Variants in DLG2 observed in about 807,000 individuals in gnomAD.
DLG2 encodes the protein discs large MAGUK scaffold protein 2, also known as disks large homolog 2.
Under a neutral mutation model 132.5 loss-of-function variants are expected in DLG2, and 45 were observed. The observed-to-expected ratio is 0.34, with a 90% confidence interval of 0.27 to 0.44. The LOEUF (loss-of-function observed/expected upper bound fraction) is 0.44. Among genes scored for constraint, DLG2 ranks in the 20% least tolerant of loss-of-function variants. DLG2 has a pLI of 1.00. For missense variants in DLG2, 1,045 were observed against 1,196.9 expected, an observed-to-expected ratio of 0.87 and a Z score of 1.87; for synonymous variants, 424 against 419.6, an observed-to-expected ratio of 1.01 and a Z score of -0.13.
intron 9 of DLG2, among the ~76,000 whole-genome samples, chr11:84,160,356 G>A (rs888385798): frequency 6.6e-5 from 10 of 152,164 alleles, no homozygotes; most frequent in African/African-American, 2.4e-4. Context: ...TTTGAGGAAG[G>A]AGGAAGCATC....
intron 6 of DLG2, among the ~76,000 whole-genome samples, chr11:84,828,905 T>C (rs1332966287): frequency 6.6e-6 from 1 of 151,696 alleles, no homozygotes; most frequent in East Asian, 2.0e-4. Context: ...CCCTATGTAC[T>C]AATGCTGCCA....
intron 19 of DLG2, among the ~76,000 whole-genome samples, chr11:83,625,596 A>G (rs1459037175): frequency 2.0e-5 from 3 of 152,212 alleles, no homozygotes; most frequent in East Asian, 1.9e-4. Context: ...TGCTCTTGAC[A>G]TAACTTCAAG....
intron 4 of DLG2, among the ~76,000 whole-genome samples, chr11:85,253,811 A>T (rs2076524935): frequency 6.6e-6 from 1 of 152,096 alleles, no homozygotes. Context: ...AGAAGGGAAA[A>T]AAATGCCAAA....
chr11:85,440,440 C>G (rs2091719535), intron 3 of DLG2, among the ~76,000 whole-genome samples: 1 of 152,158 alleles, frequency 6.6e-6, no homozygotes, highest in Non-Finnish European at 1.5e-5. Context: ...AGACATTTTT[C>G]TCATTTCTCC....
At chr11:84,779,749 C>G (rs1020431324) in intron 6 of DLG2, among the ~76,000 whole-genome samples, 2 of 152,014 alleles carry the variant, frequency 1.3e-5, no homozygotes, top group African/African-American at 4.8e-5. Context: ...TTATGAACAA[C>G]TACATGCTCA....
intron 2 of DLG2, among the ~76,000 whole-genome samples, chr11:85,621,906 T>C (rs1428011034): frequency 1.3e-5 from 2 of 152,236 alleles, no homozygotes; most frequent in African/African-American, 4.8e-5. Context: ...GAAGTTGTAC[T>C]GTGGGTAAAA....
At chr11:84,556,007 G>A (rs1395426153) in intron 6 of DLG2, among the ~76,000 whole-genome samples, 2 of 152,150 alleles carry the variant, frequency 1.3e-5, no homozygotes, top group African/African-American at 2.4e-5. Context: ...ACAGTAGGAA[G>A]CATCTAGGGG....
At chr11:83,998,551 A>C (rs761569021) in intron 11 of DLG2, among the ~76,000 whole-genome samples, 5 of 152,230 alleles carry the variant, frequency 3.3e-5, no homozygotes, top group Non-Finnish European at 5.9e-5. Flanking sequence ...GAGACTCCTC[A>C]ATATGGGAGA....
At chr11:85,338,623 G>A (rs1027839415) in intron 3 of DLG2, among the ~76,000 whole-genome samples, 5 of 151,136 alleles carry the variant, frequency 3.3e-5, no homozygotes, top group African/African-American at 1.2e-4. Flanking sequence ...ACTCAGATAA[G>A]TATATCACAT....
chr11:85,379,339 C>A (rs1467312147), intron 3 of DLG2, among the ~76,000 whole-genome samples: 1 of 152,102 alleles, frequency 6.6e-6, no homozygotes, highest in African/African-American at 2.4e-5. Context: ...TAAACAAGAT[C>A]CTTTCAAAGA....
intron 6 of DLG2, among the ~76,000 whole-genome samples, chr11:84,968,762 G>A (rs940409484): frequency 6.6e-6 from 1 of 151,920 alleles, no homozygotes; most frequent in Admixed American, 6.6e-5. Context: ...TAAGGGAGAG[G>A]GCAATTTTGT....
At chr11:84,129,939 T>A (rs559662391) in intron 9 of DLG2, among the ~76,000 whole-genome samples, 1 of 152,190 alleles carries the variant, frequency 6.6e-6, no homozygotes, top group South Asian at 2.1e-4. Context: ...TATAGTAATA[T>A]ATAAATCCTA....
chr11:85,572,955 G>A (rs973517934), intron 3 of DLG2, among the ~76,000 whole-genome samples: 1 of 152,198 alleles, frequency 6.6e-6, no homozygotes, highest in African/African-American at 2.4e-5. Context: ...CCTCATGAAT[G>A]GCCTGGGCCA....
At chr11:83,541,886 G>T (rs1392501483) in intron 19 of DLG2, 28 bp from the exon 20 acceptor site, 1 of 1,560,926 alleles carries the variant, frequency 6.4e-7, no homozygotes, top group Non-Finnish European at 8.7e-7. Context: ...AGAGGACATT[G>T]TTAGGAATCT....
chr11:85,275,141 G>A (rs1186060368), intron 4 of DLG2, among the ~76,000 whole-genome samples: 5 of 152,114 alleles, frequency 3.3e-5, no homozygotes, highest in Admixed American at 1.3e-4. Context: ...AGAGGGCAAA[G>A]GGGAAGCTTT....
intron 6 of DLG2, among the ~76,000 whole-genome samples, chr11:84,578,746 G>C (rs1218143323): frequency 1.3e-5 from 2 of 152,082 alleles, no homozygotes; most frequent in African/African-American, 4.8e-5. Flanking sequence ...TTAAGACTTT[G>C]GGGGACTGCT....
intron 6 of DLG2, among the ~76,000 whole-genome samples, chr11:85,062,505 T>C (rs2064265405): frequency 1.3e-5 from 2 of 151,604 alleles, no homozygotes; most frequent in Non-Finnish European, 2.9e-5. Context: ...TGTTAAATAT[T>C]TTATCTTTAT....
At chr11:84,746,438 T>G (rs919366149) in intron 6 of DLG2, among the ~76,000 whole-genome samples, 2 of 114,788 alleles carry the variant, frequency 1.7e-5, no homozygotes, top group Admixed American at 1.7e-4. Context: ...TAGTTTAGAC[T>G]TGATTAAAAA....
intron 6 of DLG2, among the ~76,000 whole-genome samples, chr11:84,854,467 T>C (rs2082530915): frequency 6.6e-6 from 1 of 152,032 alleles, no homozygotes; most frequent in Non-Finnish European, 1.5e-5. Context: ...CCAATCATAC[T>C]ACTTTTGGTA....
Sources: allele counts gnomAD v4.1 joint callset (sites outside exome capture counted in the v4.1 genomes callset), GRCh38; gene constraint gnomAD v4.1.1; transcripts MANE v1.5; gene names NCBI Gene and HGNC (gene_info 2026-07-23, HGNC 2026-07-21).